Variants in MTMR7 observed in about 807,000 individuals in gnomAD.
The protein encoded by MTMR7 is myotubularin related protein 7.
Under a neutral mutation model 81.2 loss-of-function variants are expected in MTMR7, and 76 were observed. That is an observed-to-expected ratio of 0.94 (90% confidence interval 0.78 to 1.13). MTMR7 has a LOEUF of 1.13. MTMR7 is among the 50% of genes most tolerant of loss of function. MTMR7 has a pLI of 0.00. For missense variants in MTMR7, 1,044 were observed against 820.0 expected (o/e 1.27, Z -3.34); for synonymous variants, 372 against 289.8 (o/e 1.28, Z -2.88).
At chr8:17,352,759 C>A (rs1345835797) in intron 4 of MTMR7, among the ~76,000 whole-genome samples, 1 of 152,006 alleles carries the variant, frequency 6.6e-6, no homozygotes, top group Non-Finnish European at 1.5e-5. Flanking sequence ...GTTAGGATGG[C>A]CACTATTACA....
intron 9 of MTMR7, among the ~76,000 whole-genome samples, chr8:17,309,818 C>G (rs962306345): frequency 1.3e-5 from 2 of 152,116 alleles, no homozygotes; most frequent in Non-Finnish European, 2.9e-5. Flanking sequence ...ACAAAAACAA[C>G]TGGGAAGTTT....
At chr8:17,309,941 G>A (rs2150482613) in intron 9 of MTMR7, among the ~76,000 whole-genome samples, 2 of 152,222 alleles carry the variant, frequency 1.3e-5, no homozygotes, top group African/African-American at 4.8e-5. Flanking sequence ...CTAAGTCTGA[G>A]GCAGTCCAGA....
intron 1 of MTMR7, among the ~76,000 whole-genome samples, chr8:17,401,826 G>C (rs1585124678): frequency 1.3e-5 from 2 of 152,160 alleles, no homozygotes; most frequent in East Asian, 1.9e-4. Context: ...AGCTCAGTTT[G>C]GGACATAGTG....
At chr8:17,366,016 G>A (rs952276223) in intron 3 of MTMR7, among the ~76,000 whole-genome samples, 3 of 152,058 alleles carry the variant, frequency 2.0e-5, no homozygotes, top group Non-Finnish European at 4.4e-5. Context: ...GGGAAGCCTA[G>A]GGCACTACAG....
chr8:17,407,932 T>C (rs1390331862), intron 1 of MTMR7, among the ~76,000 whole-genome samples: 2 of 152,194 alleles, frequency 1.3e-5, no homozygotes, highest in African/African-American at 4.8e-5. Context: ...TGTCCGTCTA[T>C]CACAGACAGA....
intron 13 of MTMR7, 144 bp downstream of exon 13, chr8:17,302,010 C>T: frequency 9.3e-7 from 1 of 1,070,528 alleles, no homozygotes; most frequent in Non-Finnish European, 1.4e-6. Context: ...TGAGTCCTGA[C>T]CTGGATGGGG....
chr8:17,348,350 C>T (rs149806693), intron 5 of MTMR7, among the ~76,000 whole-genome samples: 4,713 of 151,214 alleles, frequency 0.031, 259 homozygotes, highest in African/African-American at 0.11. Flanking sequence ...CCACCCTGGC[C>T]AACATGGTGA....
chr8:17,352,591 C>G (rs1053325170), intron 4 of MTMR7, among the ~76,000 whole-genome samples: 7 of 152,086 alleles, frequency 4.6e-5, no homozygotes, highest in African/African-American at 1.7e-4. Context: ...AAAGAAAATA[C>G]TAGACAAATG....
At chr8:17,300,679 CA>C (rs1817053030) in intron 13 of MTMR7, among the ~76,000 whole-genome samples, 1 of 152,204 alleles carries the variant, frequency 6.6e-6, no homozygotes, top group African/African-American at 2.4e-5. Flanking sequence ...GTTATATTCA[CA>C]AGGTTGTGCA....
At chr8:17,404,665 C>A (rs1027160303) in intron 1 of MTMR7, among the ~76,000 whole-genome samples, 1 of 152,066 alleles carries the variant, frequency 6.6e-6, no homozygotes, top group Admixed American at 6.6e-5. Context: ...GGAAAACATA[C>A]AAACAGCATC....
At chr8:17,383,429 C>G (rs544924945) in intron 1 of MTMR7, among the ~76,000 whole-genome samples, 3 of 152,316 alleles carry the variant, frequency 2.0e-5, no homozygotes, top group East Asian at 1.9e-4. Context: ...CTAACCTTAG[C>G]TGAGACAAAG....
At chr8:17,341,598 T>A (rs1208715746) in intron 5 of MTMR7, 101 bp from the exon 6 acceptor site, 2 of 1,398,142 alleles carry the variant, frequency 1.4e-6, no homozygotes, top group African/African-American at 1.4e-5. Context: ...GGCTCACTGA[T>A]AGTCCACCTC....
chr8:17,368,443 T>C (rs1250475991), intron 3 of MTMR7, among the ~76,000 whole-genome samples: 2 of 152,190 alleles, frequency 1.3e-5, no homozygotes, highest in Non-Finnish European at 2.9e-5. Flanking sequence ...ATTTTACTAC[T>C]AGAATTCAAA....
intron 7 of MTMR7, among the ~76,000 whole-genome samples, chr8:17,325,793 C>G (rs954424594): frequency 6.6e-6 from 1 of 152,180 alleles, no homozygotes; most frequent in Non-Finnish European, 1.5e-5. Context: ...TACTTCATGT[C>G]TTTTGAATAA....
intron 1 of MTMR7, 52 bp downstream of exon 1, chr8:17,413,217 C>G (rs1821784921): frequency 6.5e-7 from 1 of 1,539,694 alleles, no homozygotes; most frequent in Admixed American, 2.0e-5. Flanking sequence ...ATCCCTCCTC[C>G]TCCTCCCCCA....
intron 4 of MTMR7, among the ~76,000 whole-genome samples, chr8:17,357,188 A>G (rs528108633): frequency 6.6e-6 from 1 of 152,328 alleles, no homozygotes; most frequent in African/African-American, 2.4e-5. Context: ...ACAGTTACTA[A>G]TCTCTCTATG....
Position 17,302,176 on chromosome 8 carries a change from TC to T in MTMR7, c.1597del (p.Glu533LysfsTer3). On this transcript the variant is annotated frameshift_variant, in exon 13 of 14. Coordinates refer to ENST00000180173, the MANE Select transcript of MTMR7 (RefSeq NM_004686.5). LOFTEE classifies it high-confidence loss of function. ...TACTTCTTCCAGGGCCTCTAGTTCT[TC>T]CTCTAGCTGCTGAGTTTCTTCCTTC... ...AVKEETQQLE[E>X]ELEALEERLE... 6.2e-7 allele frequency: 1 copy of T among 1,614,192 alleles called. No homozygotes were observed. The highest frequency in any genetic ancestry group is 8.5e-7 in the Non-Finnish European group (1 of 1,180,012).
chr8:17,316,425 C>A (rs1818074431), intron 7 of MTMR7, among the ~76,000 whole-genome samples: 1 of 150,504 alleles, frequency 6.6e-6, no homozygotes, highest in African/African-American at 2.5e-5. Context: ...CTACTGTTGA[C>A]AGTTGTTCCC....
intron 4 of MTMR7, among the ~76,000 whole-genome samples, chr8:17,353,411 G>A (rs1191347888): frequency 6.6e-6 from 1 of 152,068 alleles, no homozygotes. Flanking sequence ...CCTTAAAAAT[G>A]ACTAAGATGG....
Sources: gnomAD v4.1 joint callset for allele counts (sites outside exome capture counted in the v4.1 genomes callset) on GRCh38, gnomAD v4.1.1 for gene constraint, MANE v1.5 for transcripts, NCBI Gene and HGNC (gene_info 2026-07-23, HGNC 2026-07-21) for gene names.